B4GALT3: variants seen among roughly 807,000 people sequenced by gnomAD.
The protein encoded by B4GALT3 is beta-1,4-galactosyltransferase 3, also known as N-acetyllactosamine synthase.
B4GALT3 carries 29 observed loss-of-function variants against 40.7 expected under a neutral mutation model. The observed-to-expected ratio is 0.71, with a 90% CI of 0.53 to 0.97. B4GALT3 has a LOEUF of 0.97. Ranked by LOEUF, B4GALT3 falls within the 50% of genes least tolerant of loss-of-function variation. The probability of loss-of-function intolerance (pLI) is 0.00; values close to 1 mark genes in which losing one functional copy is unlikely to be tolerated. For synonymous variants in B4GALT3, 182 were observed against 203.9 expected (o/e 0.89, Z 0.92); for missense variants, 390 against 522.3 (o/e 0.75, Z 2.47).
Position 161,176,126 on chromosome 1 carries a change from CAG to C in B4GALT3, c.-14-54_-14-53del, listed in dbSNP as rs548949310. On this transcript the variant is annotated intron_variant, in intron 2 of 7. Coordinates refer to ENST00000319769, the MANE Select transcript of B4GALT3 (RefSeq NM_003779.4). Reference sequence around the variant, plus strand: ...GGTAGGCAGGAAGAGAGCAAGCCAGCAGAGAGGTCAGTAGGTAGGGTTGAAGG... The same window carrying C: ...GGTAGGCAGGAAGAGAGCAAGCCAGCAGAGGTCAGTAGGTAGGGTTGAAGG... The C allele has an allele frequency of 6.5e-3, 10,378 of 1,585,380 alleles. 64 individuals are homozygous for C. Among genetic ancestry groups the C allele is most frequent in the Non-Finnish European group, 8.5e-3 (9,819 of 1,159,534 alleles).
At position 161,171,531 on chromosome 1, in the gene B4GALT3, G is replaced by C; in HGVS notation, c.*285C>G. 1 of 582,588 alleles carries C rather than the reference G, an allele frequency of 1.7e-6. No homozygotes were observed. Among genetic ancestry groups the C allele is most frequent in the Non-Finnish European group, 3.0e-6 (1 of 331,064 alleles). 36.1% of individuals were successfully genotyped at this position (582,588 alleles called of 1,614,324 possible). On this transcript the variant is annotated 3_prime_UTR_variant, in exon 8 of 8. Coordinates refer to ENST00000319769, the MANE Select transcript of B4GALT3 (RefSeq NM_003779.4). ...GGAAGAGGGAGGGGCTTGGGGTCCA[G>C]CCCTGCTCCTACTCTAGGGGCAGGG...
chr1:161,176,747 TAA>T (rs1010746860), intron 1 of B4GALT3, 168 bp from the exon 2 acceptor site: 25 of 896,048 alleles, frequency 2.8e-5, no homozygotes, highest in South Asian at 1.1e-4. Flanking sequence ...CCTGGAATGA[TAA>T]GTGTCAGGTT....
chr1:161,171,473 TC>T lies in B4GALT3; in HGVS notation c.*342del. 1.7e-6 allele frequency: 1 copy of T among 587,144 alleles called. No homozygotes were observed. The highest frequency in any genetic ancestry group is 3.0e-6 in the Non-Finnish European group (1 of 335,312). 36.4% of individuals were successfully genotyped at this position (587,144 alleles called of 1,614,324 possible). On this transcript the variant is annotated 3_prime_UTR_variant, in exon 8 of 8. Coordinates refer to ENST00000319769, the MANE Select transcript of B4GALT3 (RefSeq NM_003779.4). The stretch of plus-strand genomic sequence containing the variant: ...TAAATAGAATAAATATTCACAGAGG[TC>T]CGAGGAGAAGCCAGATCACTCTTCT...
In B4GALT3 at chr1:161,176,477, G is replaced by A. The variant is rs1663560623; in HGVS notation, c.-58C>T. ...CTTAGGGATCATGGGGGCTCCAGGGGGTCCCGGGGGGACAGAGATGTGAGG... is the reference window on the plus strand; with the variant it reads ...CTTAGGGATCATGGGGGCTCCAGGGAGTCCCGGGGGGACAGAGATGTGAGG... On this transcript the variant is annotated 5_prime_UTR_variant, in exon 2 of 8. Transcript: ENST00000319769. The A allele has an allele frequency of 2.7e-6, 1 of 373,002 alleles. No homozygotes were observed. Among genetic ancestry groups the A allele is most frequent in the African/African-American group, 2.0e-5 (1 of 48,948 alleles). The allele number at this position is 373,002 out of a possible 1,614,324, so 23.1% of individuals were successfully genotyped here.
intron 3 of B4GALT3, 40 bp downstream of exon 3, chr1:161,175,768 C>T (rs1460504940): frequency 6.2e-7 from 1 of 1,605,394 alleles, no homozygotes; most frequent in Non-Finnish European, 8.5e-7. Context: ...GTCTCCGCAC[C>T]TTGTCCTTCC....
At chr1:161,174,364 T>C (rs1014975705) in intron 4 of B4GALT3, among the ~76,000 whole-genome samples, 5 of 142,878 alleles carry the variant, frequency 3.5e-5, no homozygotes, top group Non-Finnish European at 7.5e-5. Flanking sequence ...GCCGAGATCG[T>C]GCCACTGCAC....
At position 161,175,142 on chromosome 1, in the gene B4GALT3, A is replaced by G. The variant is rs760576789; in HGVS notation, c.340T>C (p.Tyr114His). Residue 114 changes from tyrosine (Y) to histidine (H), a missense_variant, in exon 4 of 8, where the codon TAC becomes CAC. By Grantham distance (83) the Tyr-to-His change is moderately conservative. Transcript: ENST00000319769. The stretch of plus-strand genomic sequence containing the variant: ...CGGGGCTCACAACCTGCAGGGCGGT[A>G]CCGGCCCCCTGGTTCTACCCGGGGA... ...RNPRVEPGGR[Y>H]RPAGCEPRSR... 1.2e-6 allele frequency: 2 copies of G among 1,614,044 alleles called. No homozygotes were observed. Among genetic ancestry groups the G allele is most frequent in the South Asian group, 1.1e-5 (1 of 91,082 alleles).
At chr1:161,172,179 C>T (rs1488322985) in intron 7 of B4GALT3, 48 bp downstream of exon 7, 1 of 1,612,158 alleles carries the variant, frequency 6.2e-7, no homozygotes, top group Non-Finnish European at 8.5e-7. Flanking sequence ...GGGTACAGAA[C>T]CCTGAGGATC....
chr1:161,174,206 G>A (rs1276778883), intron 4 of B4GALT3, among the ~76,000 whole-genome samples, 157 bp from the exon 5 acceptor site: 1 of 152,122 alleles, frequency 6.6e-6, no homozygotes, highest in Non-Finnish European at 1.5e-5. Context: ...AGGAGATTGA[G>A]ACCACCCTGG....
intron 4 of B4GALT3, among the ~76,000 whole-genome samples, chr1:161,174,532 C>CT (rs1417632143): frequency 1.3e-5 from 2 of 152,142 alleles, no homozygotes; most frequent in African/African-American, 4.8e-5. Flanking sequence ...ACAAATCTTG[C>CT]TTGTGTATTG....
At chr1:161,176,756 G>A in intron 1 of B4GALT3, 177 bp from the exon 2 acceptor site, 2 of 1,012,388 alleles carry the variant, frequency 2.0e-6, no homozygotes, top group Non-Finnish European at 2.9e-6. Flanking sequence ...ATAAGTGTCA[G>A]GTTCATACTT....
chr1:161,175,006 T>C lies in B4GALT3; in HGVS notation c.476A>G (p.Tyr159Cys), dbSNP rs748416370. The C allele has an allele frequency of 2.5e-6, 4 of 1,613,598 alleles. No homozygotes were observed. Among genetic ancestry groups the C allele is most frequent in the Non-Finnish European group, 3.4e-6 (4 of 1,179,880 alleles). The change falls in exon 4 of 8, where the codon TAT becomes TGT. Residue 159 changes from tyrosine (Y) to cysteine (C), a missense_variant. Physicochemically the swap from Tyr to Cys is radical, Grantham distance 194. Coordinates refer to ENST00000319769, the MANE Select transcript of B4GALT3 (RefSeq NM_003779.4). ...GATTGGGGGTACCTGGTGGATGACA[T>C]AGATGCCATAAGCAAGCTGCTGGCG... is the stretch of plus-strand genomic sequence containing the variant. The part of the protein sequence containing the change: ...LQRQQLAYGI[Y>C]VIHQAGNGTF...
chr1:161,172,118 C>T, intron 7 of B4GALT3, 29 bp from the exon 8 acceptor site: 2 of 1,613,170 alleles, frequency 1.2e-6, no homozygotes, highest in Non-Finnish European at 1.7e-6. Context: ...AGACTAAGAC[C>T]CAGAAAGGAA....
intron 3 of B4GALT3, 121 bp downstream of exon 3, chr1:161,175,687 G>A: frequency 2.1e-6 from 3 of 1,430,128 alleles, no homozygotes; most frequent in Admixed American, 2.1e-5. Flanking sequence ...CCTACCTGCA[G>A]CCTCAGCCTA....
chr1:161,172,462 A>G, intron 6 of B4GALT3, 131 bp from the exon 7 acceptor site: 1 of 743,832 alleles, frequency 1.3e-6, no homozygotes, highest in Non-Finnish European at 2.1e-6. Context: ...CCAGGACAGA[A>G]GTCAAACAGA....
At chr1:161,173,357 C>T (rs1054100319) in intron 6 of B4GALT3, among the ~76,000 whole-genome samples, 5 of 152,126 alleles carry the variant, frequency 3.3e-5, no homozygotes, top group African/African-American at 9.7e-5. Context: ...TGGAATCCGA[C>T]GATACTATTT....
chr1:161,173,672 G>A lies in B4GALT3; in HGVS notation c.736C>T (p.Leu246=). 2 of 1,614,162 alleles carry A rather than the reference G, an allele frequency of 1.2e-6. No individual in the cohort carries two copies. The highest frequency in any genetic ancestry group is 2.2e-5 in the South Asian group (2 of 91,078). The change falls in exon 6 of 8, where the codon CTG becomes TTG. Residue 246 remains leucine (L), a synonymous_variant. Coordinates refer to ENST00000319769, the MANE Select transcript of B4GALT3 (RefSeq NM_003779.4). ...TCATTGGGGAAGCCATTCATCTTCA[G>A]GTACTGGTCAGGAGTAAGTGCTGAG... ...GVSALTPDQY[L]KMNGFPNEYW...
rs1661587334 is a variant in B4GALT3, at chr1:161,171,920, C to G, written c.1078G>C (p.Gly360Arg). 6.2e-7 allele frequency: 1 copy of G among 1,614,032 alleles called. No individual in the cohort carries two copies. The highest frequency in any genetic ancestry group is 1.3e-5 in the African/African-American group (1 of 74,896). The change falls in exon 8 of 8, where the codon GGT (glycine) becomes CGT (arginine). Residue 360 changes from glycine (G) to arginine (R), a missense_variant. By Grantham distance (125) the Gly-to-Arg change is moderately radical. Transcript: ENST00000319769. ...RAPSGPRYPP[G>R]SSQAFRQEML... is the part of the protein sequence containing the mutation. ...TCTTGACGGAAGGCTTGGGAGGAAC[C>G]AGGTGGGTAACGTGGCCCAGAAGGA...
intron 3 of B4GALT3, 25 bp downstream of exon 3, chr1:161,175,783 A>G (rs1454346359): frequency 6.2e-7 from 1 of 1,607,286 alleles, no homozygotes; most frequent in African/African-American, 1.3e-5. Context: ...CCTTCCTTTC[A>G]CCACCTCCTT....
Sources: gnomAD v4.1 joint callset for allele counts (sites outside exome capture counted in the v4.1 genomes callset) on GRCh38, gnomAD v4.1.1 for gene constraint, MANE v1.5 for transcripts, NCBI Gene and HGNC (gene_info 2026-07-23, HGNC 2026-07-21) for gene names.